Variants in PRDM13 observed in about 807,000 individuals in gnomAD.
PRDM13 encodes PR domain zinc finger protein 13.
In PRDM13, 15 loss-of-function variants were observed where a neutral mutation model predicts 36.4. The ratio of observed to expected loss-of-function variants is 0.41; its 90% CI spans 0.28 to 0.64. PRDM13 has a LOEUF of 0.64. PRDM13 is among the 30% of genes least tolerant of loss of function. PRDM13 has a pLI of 0.29. For synonymous variants in PRDM13, 531 were observed against 467.7 expected, an observed-to-expected ratio of 1.14 and a Z score of -1.75; for missense variants, 1,044 against 1,013.5, an observed-to-expected ratio of 1.03 and a Z score of -0.41.
In PRDM13 at chr6:99,613,125, G is replaced by C; in HGVS notation, c.490G>C (p.Gly164Arg). ...CCTGCGTTTCCACTGCGTGTTCAGC[G>C]GCGGTGGAGGCGGCGCCTTCCTGCA... ...AHLRFHCVFSGGGGGAFLHHE... is the reference protein window; with the variant it reads ...AHLRFHCVFSRGGGGAFLHHE... Residue 164 changes from glycine (G) to arginine (R), a missense_variant, in exon 4 of 4, where the codon GGC (glycine) becomes CGC (arginine). Gly to Arg is a moderately radical substitution (Grantham distance 125, BLOSUM62 -2). Around this residue, in one of 3 missense-constraint regions of PRDM13, gnomAD observed 921 missense variants for 865.2 expected, o/e 1.06. Coordinates refer to ENST00000369215, the MANE Select transcript of PRDM13 (RefSeq NM_021620.4). This position sits in a 1 kb window ranked among gnomAD's most constrained non-coding sequence, Gnocchi z 6.1. 6.2e-7 allele frequency: 1 copy of C among 1,613,318 alleles called. No individual in the cohort carries two copies. The highest frequency in any genetic ancestry group is 8.5e-7 in the Non-Finnish European group (1 of 1,180,004).
intron 3 of PRDM13, among the ~76,000 whole-genome samples, chr6:99,610,742 G>T (rs948867851): frequency 3.9e-5 from 6 of 152,194 alleles, no homozygotes; most frequent in Non-Finnish European, 7.3e-5. Flanking sequence ...ACATAGTGGA[G>T]AACTCTCAAA....
At chr6:99,607,220 C>A in intron 1 of PRDM13, 42 bp downstream of exon 1, 1 of 1,604,768 alleles carries the variant, frequency 6.2e-7, no homozygotes, top group Non-Finnish European at 8.5e-7. Context: ...ATTCGCCTCT[C>A]AGTGCCCTGA....
rs571366042 is a variant in PRDM13, at chr6:99,613,269, C to G, written c.634C>G (p.Pro212Ala). 3 of 1,597,884 alleles carry G rather than the reference C, an allele frequency of 1.9e-6. No homozygotes were observed. In the East Asian group the frequency reaches 6.8e-5, roughly 36 times the overall value. ...PSQAGTLRPH[P>A]LGPPPVQACG... ...CCAGGCAGGAACTTTGCGACCCCAC[C>G]CCCTGGGCCCGCCACCAGTTCAGGC... The change falls in exon 4 of 4, where the codon CCC becomes GCC. Residue 212 changes from proline (P) to alanine (A), a missense_variant. By Grantham distance (27) the Pro-to-Ala change is conservative (BLOSUM62 -1). Coordinates refer to ENST00000369215, the MANE Select transcript of PRDM13 (RefSeq NM_021620.4). The surrounding 1 kb of genome is among the most constrained non-coding windows in gnomAD (Gnocchi z 6.1).
chr6:99,609,154 T>C, intron 2 of PRDM13, 33 bp from the exon 3 acceptor site: 1 of 1,609,580 alleles, frequency 6.2e-7, no homozygotes, highest in Non-Finnish European at 8.5e-7. Context: ...ACCCAGGAAA[T>C]GACATTGAAC....
In PRDM13 at chr6:99,607,044, G is replaced by T; in HGVS notation, c.10G>T (p.Ala4Ser). 1 of 1,610,588 alleles carries T rather than the reference G, an allele frequency of 6.2e-7. No individual in the cohort carries two copies. The highest frequency in any genetic ancestry group is 1.7e-4 in the Middle Eastern group (1 of 6,042). MHG[A>S]ARAPATSVSA... ...GGTGGCGGCGGCAACAATGCACGGA[G>T]CCGCCAGAGCGCCAGCCACCAGCGT... Residue 4 changes from alanine to serine, a missense_variant, in exon 1 of 4, where the codon GCC becomes TCC. Around this residue, in one of 3 missense-constraint regions of PRDM13, gnomAD observed 921 missense variants for 865.2 expected, o/e 1.06. Transcript: ENST00000369215.
intron 1 of PRDM13, among the ~76,000 whole-genome samples, chr6:99,607,629 T>A (rs1769967896): frequency 6.6e-6 from 1 of 151,882 alleles, no homozygotes; most frequent in Non-Finnish European, 1.5e-5. Context: ...CTTAAAGTAA[T>A]TTTTTTTCCT....
In PRDM13 at chr6:99,609,295, C is replaced by G. The variant is rs377586492; in HGVS notation, c.385C>G (p.His129Asp). Residue 129 changes from histidine to aspartate, a missense_variant, in exon 3 of 4, where the codon CAC (histidine) becomes GAC (aspartate). By Grantham distance (81) the His-to-Asp change is moderately conservative (BLOSUM62 -1). Around this residue, in one of 3 missense-constraint regions of PRDM13, gnomAD observed 921 missense variants for 865.2 expected, o/e 1.06. Coordinates refer to ENST00000369215, the MANE Select transcript of PRDM13 (RefSeq NM_021620.4). ...FDIPTTATPT[H>D]DEKGEERYIC... ...CATCCCCACCACAGCGACTCCGACT[C>G]ACGACGAGAAAGGTACCCATTCCAA... 1.2e-6 allele frequency: 2 copies of G among 1,614,022 alleles called. No individual in the cohort carries two copies. The highest frequency in any genetic ancestry group is 1.7e-6 in the Non-Finnish European group (2 of 1,180,026).
intron 3 of PRDM13, 78 bp from the exon 4 acceptor site, chr6:99,612,955 C>A: frequency 6.4e-7 from 1 of 1,570,684 alleles, no homozygotes; most frequent in East Asian, 2.3e-5. Flanking sequence ...TGGGCTTTGC[C>A]TTGGGTGCAC....
At chr6:99,608,591 G>T in intron 1 of PRDM13, 150 bp from the exon 2 acceptor site, 1 of 1,042,882 alleles carries the variant, frequency 9.6e-7, no homozygotes, top group East Asian at 2.8e-5. Flanking sequence ...AGGTCCTAAG[G>T]AATTCTCCTC....
chr6:99,610,472 C>G (rs761919212), intron 3 of PRDM13, among the ~76,000 whole-genome samples: 18 of 152,158 alleles, frequency 1.2e-4, no homozygotes, highest in Non-Finnish European at 2.1e-4. Context: ...GAATTGCCTG[C>G]TCAATCTCAT....
Position 99,613,836 on chromosome 6 carries a change from G to T in PRDM13, c.1201G>T (p.Ala401Ser), listed in dbSNP as rs751190925. ...CTCCGTCCCCCCGGAAGAGGCGTCC[G>T]CCTTCAAGCACGTGGAGCGCGCCCC... ...LLSVPPEEAS[A>S]FKHVERAPPA... is the part of the protein sequence containing the mutation. The change falls in exon 4 of 4, where the codon GCC becomes TCC. Residue 401 changes from alanine (A) to serine (S), a missense_variant. Around this residue, in one of 3 missense-constraint regions of PRDM13, gnomAD observed 921 missense variants for 865.2 expected, o/e 1.06. Coordinates refer to ENST00000369215, the MANE Select transcript of PRDM13 (RefSeq NM_021620.4). The surrounding 1 kb of genome is among the most constrained non-coding windows in gnomAD (Gnocchi z 6.1). 1.3e-6 allele frequency: 2 copies of T among 1,511,002 alleles called. No homozygotes were observed. The highest frequency in any genetic ancestry group is 1.2e-5 in the South Asian group (1 of 81,318). 93.6% of individuals were successfully genotyped at this position (1,511,002 alleles called of 1,614,324 possible). A position where few individuals can be genotyped will look rare whatever the true frequency, so the allele number is the denominator to read the frequency against.
rs1416978994 is a variant in PRDM13 at position 99,613,694 on chromosome 6, CCATCACCACCACGCG to C, written c.1062_1076del (p.Ala358_His362del). 6.8e-7 allele frequency: 1 copy of C among 1,467,998 alleles called. No homozygotes were observed. Among genetic ancestry groups the C allele is most frequent in the Non-Finnish European group, 8.9e-7 (1 of 1,120,066 alleles). 90.9% of individuals were successfully genotyped at this position (1,467,998 alleles called of 1,614,324 possible). A position where few individuals can be genotyped will look rare whatever the true frequency, so the allele number is the denominator to read the frequency against. On this transcript the variant is annotated inframe_deletion, in exon 4 of 4. Transcript: ENST00000369215. The surrounding 1 kb of genome is among the most constrained non-coding windows in gnomAD (Gnocchi z 6.1). ...CGGCGGCGGGCGGCGCGGGTCACCA[CCATCACCACCACGCG>C]CACCACCACCACCATCCCAAGTGCC... is the stretch of plus-strand genomic sequence containing the variant.
Position 99,614,292 on chromosome 6 carries a change from G to A in PRDM13, c.1657G>A (p.Ala553Thr). 4 of 1,605,706 alleles carry A rather than the reference G, an allele frequency of 2.5e-6. No homozygotes were observed. The highest frequency in any genetic ancestry group is 3.4e-6 in the Non-Finnish European group (4 of 1,176,440). Residue 553 changes from alanine (A) to threonine (T), a missense_variant, in exon 4 of 4, where the codon GCG (alanine) becomes ACG (threonine). By Grantham distance (58) the Ala-to-Thr change is moderately conservative (BLOSUM62 0). Transcript: ENST00000369215. ...SGTLPPAVAA[A>T]GGTGGGGSGG... is the part of the protein sequence containing the mutation. ...GACGTTGCCACCGGCCGTCGCGGCG[G>A]CGGGAGGCACCGGGGGCGGCGGCAG...
chr6:99,612,007 C>T (rs1583615470), intron 3 of PRDM13, among the ~76,000 whole-genome samples: 6 of 152,156 alleles, frequency 3.9e-5, no homozygotes, highest in Admixed American at 3.9e-4. Context: ...TGTTCACAAA[C>T]TCGGGCAAAA....
rs1302961786 is a variant in PRDM13, at chr6:99,613,232, C to T, written c.597C>T (p.Phe199=). ...GLSPKPPAPD[F]AAPSQAGTLR... is the part of the protein sequence containing the mutation. Reference sequence around the variant, plus strand: ...CCCCAAAACCCCCGGCGCCCGATTTCGCCGCGCCTTCCCAGGCAGGAACTT... The same window carrying T: ...CCCCAAAACCCCCGGCGCCCGATTTTGCCGCGCCTTCCCAGGCAGGAACTT... Residue 199 remains phenylalanine, a synonymous_variant, in exon 4 of 4, where the codon TTC becomes TTT. Coordinates refer to ENST00000369215, the MANE Select transcript of PRDM13 (RefSeq NM_021620.4). The surrounding 1 kb of genome is among the most constrained non-coding windows in gnomAD (Gnocchi z 6.1). 5 of 1,611,100 alleles carry T rather than the reference C, an allele frequency of 3.1e-6. No homozygotes were observed. Among genetic ancestry groups the T allele is most frequent in the African/African-American group, 2.7e-5 (2 of 74,908 alleles).
At position 99,613,471 on chromosome 6, in the gene PRDM13, C is replaced by A; in HGVS notation, c.836C>A (p.Ser279Ter). ...GHFLGIVGGS[S>*]AGVGSLAFYP... The stretch of plus-strand genomic sequence containing the variant: ...TTCCTCGGCATCGTGGGCGGCTCCT[C>A]GGCGGGGGTCGGCAGCCTGGCTTTC... The change falls in exon 4 of 4, where the codon TCG becomes TAG. Residue 279 changes from serine (S) to a stop codon, truncating the protein, a stop_gained. Transcript: ENST00000369215. LOFTEE classifies it low-confidence loss of function (END_TRUNC). This position sits in a 1 kb window ranked among gnomAD's most constrained non-coding sequence, Gnocchi z 6.1. 2 of 1,529,360 alleles carry A rather than the reference C, an allele frequency of 1.3e-6. No homozygotes were observed. The highest frequency in any genetic ancestry group is 1.7e-6 in the Non-Finnish European group (2 of 1,146,646). 94.7% of individuals were successfully genotyped at this position (1,529,360 alleles called of 1,614,324 possible).
At position 99,609,268 on chromosome 6, in the gene PRDM13, G is replaced by C. The variant is rs774871635; in HGVS notation, c.358G>C (p.Asp120His). Residue 120 changes from aspartate (D) to histidine (H), a missense_variant, in exon 3 of 4, where the codon GAC becomes CAC. Around this residue, in one of 3 missense-constraint regions of PRDM13, gnomAD observed 921 missense variants for 865.2 expected, o/e 1.06. Transcript: ENST00000369215. The part of the protein sequence containing the change: ...WYSNSLAQWF[D>H]IPTTATPTHD... ...TTCTAACTCCTTGGCTCAGTGGTTC[G>C]ACATCCCCACCACAGCGACTCCGAC... is the stretch of plus-strand genomic sequence containing the variant. The C allele has an allele frequency of 2.6e-5, 42 of 1,613,810 alleles. No homozygotes were observed. The South Asian group carries it at 4.6e-4, about 18-fold the overall frequency.
chr6:99,608,954 A>G, intron 2 of PRDM13, 82 bp downstream of exon 2: 1 of 1,519,880 alleles, frequency 6.6e-7, no homozygotes. Context: ...GGCCAAAAAT[A>G]TTAAGAGCAA....
chr6:99,613,687 G>C lies in PRDM13; in HGVS notation c.1052G>C (p.Gly351Ala), dbSNP rs1420980914. The C allele has an allele frequency of 6.9e-7, 1 of 1,445,006 alleles. No homozygotes were observed. The highest frequency in any genetic ancestry group is 1.4e-5 in the South Asian group (1 of 70,922). 89.5% of individuals were successfully genotyped at this position (1,445,006 alleles called of 1,614,324 possible). ...GAGAACTCGGCGGCGGGCGGCGCGG[G>C]TCACCACCATCACCACCACGCGCAC... ...SGENSAAGGA[G>A]HHHHHHAHHH... Residue 351 changes from glycine to alanine, a missense_variant, in exon 4 of 4, where the codon GGT becomes GCT. Coordinates refer to ENST00000369215, the MANE Select transcript of PRDM13 (RefSeq NM_021620.4). This position sits in a 1 kb window ranked among gnomAD's most constrained non-coding sequence, Gnocchi z 6.1.
Sources: allele counts gnomAD v4.1 joint callset (sites outside exome capture counted in the v4.1 genomes callset), GRCh38; gene constraint gnomAD v4.1.1; regional missense constraint gnomAD v4.1.1; non-coding constraint Gnocchi (gnomAD v3.1); transcripts MANE v1.5; gene names NCBI Gene and HGNC (gene_info 2026-07-23, HGNC 2026-07-21).